The following GRM5 variants were observed in gnomAD, a reference collection of about 807,000 sequenced individuals.
GRM5 encodes metabotropic glutamate receptor 5.
Under a neutral mutation model 83.1 loss-of-function variants are expected in GRM5, and 19 were observed. The observed-to-expected ratio is 0.23, with a 90% CI of 0.16 to 0.34. GRM5 has a LOEUF of 0.34. Among genes scored for constraint, GRM5 ranks in the 10% least tolerant of loss-of-function variants. GRM5 has a pLI of 1.00. For missense variants in GRM5, 1,160 were observed against 1,588.3 expected (o/e 0.73, Z 4.58); for synonymous variants, 675 against 633.6 (o/e 1.07, Z -0.98).
intron 3 of GRM5, among the ~76,000 whole-genome samples, chr11:88,717,233 G>T (rs544971068): frequency 6.6e-6 from 1 of 151,820 alleles, no homozygotes; most frequent in South Asian, 2.1e-4. Flanking sequence ...TTTAAAAAAA[G>T]CCATTTATTA....
chr11:89,006,776 C>CT (rs1374120713), intron 2 of GRM5, among the ~76,000 whole-genome samples: 1 of 151,984 alleles, frequency 6.6e-6, no homozygotes, highest in Non-Finnish European at 1.5e-5. Context: ...AATTTCAAAT[C>CT]TTTTTTGTTT....
chr11:88,743,733 C>T (rs1942075887), intron 3 of GRM5, among the ~76,000 whole-genome samples: 1 of 152,126 alleles, frequency 6.6e-6, no homozygotes, highest in African/African-American at 2.4e-5. Flanking sequence ...GAGGCAAATA[C>T]AATCACATTG....
chr11:88,906,991 T>TA (rs1409454376), intron 2 of GRM5, among the ~76,000 whole-genome samples: 1 of 152,022 alleles, frequency 6.6e-6, no homozygotes, highest in Non-Finnish European at 1.5e-5. Flanking sequence ...TTGAAGCAGT[T>TA]AAAAAGAGTT....
At chr11:88,920,847 C>T (rs1432665096) in intron 2 of GRM5, among the ~76,000 whole-genome samples, 1 of 152,166 alleles carries the variant, frequency 6.6e-6, no homozygotes, top group Non-Finnish European at 1.5e-5. Context: ...GTGACAATAC[C>T]TGCCTCACCT....
At chr11:88,724,532 A>G (rs1941628489) in intron 3 of GRM5, among the ~76,000 whole-genome samples, 1 of 152,158 alleles carries the variant, frequency 6.6e-6, no homozygotes, top group Non-Finnish European at 1.5e-5. Flanking sequence ...TCTTTGGACC[A>G]GTAATAGTGA....
chr11:88,884,755 G>A (rs1482115787), intron 2 of GRM5, among the ~76,000 whole-genome samples: 1 of 152,100 alleles, frequency 6.6e-6, no homozygotes, highest in Non-Finnish European at 1.5e-5. Context: ...GAGAGCTGAT[G>A]GTTTTATAAA....
At position 89,054,606 on chromosome 11, in the gene GRM5, G is replaced by T. The variant is rs555699434; in HGVS notation, c.-200-6534C>A. 6.6e-5 allele frequency among the ~76,000 whole-genome samples: 10 copies of T among 152,236 alleles called. No homozygotes were observed. The South Asian group carries it at 1.9e-3, about 28-fold the overall frequency. On this transcript the variant is annotated intron_variant, in intron 1 of 9. Coordinates refer to ENST00000305447, the MANE Select transcript of GRM5 (RefSeq NM_001143831.3). ...TCACCGAGGAAGTGGAAAGAGAAAA[G>T]AATCTAGTGCCAGAGGTTGTGCCCC...
rs116327626 is a variant in GRM5 at position 88,979,612 on chromosome 11, T to G, written c.661+67600A>C. 2.3e-3 allele frequency among the ~76,000 whole-genome samples: 349 copies of G among 152,308 alleles called. 3 individuals carry two copies. The highest frequency in any genetic ancestry group is 8.0e-3 in the African/African-American group (332 of 41,566). On this transcript the variant is annotated intron_variant, in intron 2 of 9. Transcript: ENST00000305447. ...CTTTTTTTCAGGGCCCATCTTACTA[T>G]TTGTAGAAAAGCCTTCAGCTTTGCC...
intron 2 of GRM5, among the ~76,000 whole-genome samples, chr11:88,918,145 C>G (rs1053594116): frequency 2.6e-4 from 39 of 151,702 alleles, no homozygotes; most frequent in Non-Finnish European, 1.2e-4. Flanking sequence ...AAAGTCTTGA[C>G]CTTACACACC....
chr11:88,705,363 C>T (rs1318145773), intron 3 of GRM5, among the ~76,000 whole-genome samples: 1 of 152,060 alleles, frequency 6.6e-6, no homozygotes, highest in Admixed American at 6.6e-5. Context: ...GGCTGCAGAA[C>T]CACTGGACTT....
chr11:88,617,805 G>A (rs1938525306), intron 4 of GRM5, among the ~76,000 whole-genome samples: 1 of 152,140 alleles, frequency 6.6e-6, no homozygotes. Flanking sequence ...TGATCTCAGG[G>A]ACAGAAAGTG....
At chr11:89,040,036 T>C (rs144259781) in intron 2 of GRM5, among the ~76,000 whole-genome samples, 3,060 of 152,260 alleles carry the variant, frequency 0.02, 104 homozygotes, top group African/African-American at 0.07. Context: ...GTCCAACATT[T>C]AATGTAGCCC....
At chr11:88,852,528 T>C (rs1487686952) in intron 2 of GRM5, among the ~76,000 whole-genome samples, 1 of 152,058 alleles carries the variant, frequency 6.6e-6, no homozygotes, top group Non-Finnish European at 1.5e-5. Context: ...TACTGTACAC[T>C]AGACTAAAAA....
intron 8 of GRM5, among the ~76,000 whole-genome samples, chr11:88,545,730 T>C (rs1415489617): frequency 6.6e-6 from 1 of 152,156 alleles, no homozygotes; most frequent in African/African-American, 2.4e-5. Context: ...ACCTATCCTG[T>C]TGCAATGGAC....
At chr11:88,700,936 G>A (rs1947755) in intron 3 of GRM5, among the ~76,000 whole-genome samples, 85,951 of 152,052 alleles carry the variant, frequency 0.57, 27,031 homozygotes, top group South Asian at 0.8. Context: ...TCCCTAGGAG[G>A]CAGAATACGT....
At chr11:88,611,952 T>C (rs904453085) in intron 4 of GRM5, among the ~76,000 whole-genome samples, 1 of 151,506 alleles carries the variant, frequency 6.6e-6, no homozygotes, top group African/African-American at 2.4e-5. Flanking sequence ...AAAGAATTTA[T>C]TTATTTATTT....
chr11:89,026,000 C>A (rs1460208104), intron 2 of GRM5, among the ~76,000 whole-genome samples: 1 of 152,152 alleles, frequency 6.6e-6, no homozygotes, highest in Non-Finnish European at 1.5e-5. Context: ...TACTACACAG[C>A]CATAAAAAAA....
At chr11:88,566,844 C>G (rs1308509210) in intron 8 of GRM5, among the ~76,000 whole-genome samples, 1 of 152,118 alleles carries the variant, frequency 6.6e-6, no homozygotes, top group Non-Finnish European at 1.5e-5. Flanking sequence ...GAGATTTTGA[C>G]TTCCATGTTT....
intron 2 of GRM5, among the ~76,000 whole-genome samples, chr11:88,979,423 C>T (rs1239450275): frequency 6.6e-6 from 1 of 152,172 alleles, no homozygotes; most frequent in South Asian, 2.1e-4. Context: ...ATACATATAT[C>T]AAGTGACAAA....
Sources: gnomAD v4.1 joint callset for allele counts (sites outside exome capture counted in the v4.1 genomes callset) on GRCh38, gnomAD v4.1.1 for gene constraint, MANE v1.5 for transcripts, NCBI Gene and HGNC (gene_info 2026-07-23, HGNC 2026-07-21) for gene names.